The following CDH23 variants were observed in gnomAD, a reference collection of about 807,000 sequenced individuals.
CDH23 encodes cadherin related 23.
A neutral mutation model predicts 317.1 loss-of-function variants in CDH23; 189 were observed. That is an observed-to-expected ratio of 0.60 (90% CI 0.53 to 0.67). The LOEUF (loss-of-function observed/expected upper bound fraction) is 0.67. Ranked by LOEUF, CDH23 falls within the 30% of genes least tolerant of loss-of-function variation. The pLI, the probability that CDH23 is intolerant of heterozygous loss-of-function variation, is 0.00. For missense variants in CDH23, 4,401 were observed against 4,592.4 expected (o/e 0.96, Z 1.20); for synonymous variants, 1,839 against 1,876.8 (o/e 0.98, Z 0.52).
At chr10:71,813,158 G>A (rs1842000165) in intron 68 of CDH23, 86 bp from the exon 69 acceptor site, 3 of 1,302,446 alleles carry the variant, frequency 2.3e-6, no homozygotes, top group Non-Finnish European at 3.2e-6. Flanking sequence ...AGATGTCCGT[G>A]TACCCCTTAC....
chr10:71,579,293 C>G (rs924345750), intron 9 of CDH23, among the ~76,000 whole-genome samples: 1 of 152,068 alleles, frequency 6.6e-6, no homozygotes, highest in African/African-American at 2.4e-5. Context: ...TGTTGCACCT[C>G]TAAGCCCAGG....
intron 69 of CDH23, among the ~76,000 whole-genome samples, chr10:71,814,140 C>T (rs774367839): frequency 9.2e-5 from 14 of 152,238 alleles, no homozygotes; most frequent in Non-Finnish European, 1.5e-4. Flanking sequence ...GTCCTATTGA[C>T]ACTTTCTGCC....
At position 71,791,302 on chromosome 10, in the gene CDH23, C is replaced by T. The variant is rs970644293; in HGVS notation, c.6220C>T (p.Leu2074Phe). Residue 2074 changes from leucine to phenylalanine, a missense_variant, in exon 47 of 70, where the codon CTC becomes TTC. Coordinates refer to ENST00000224721, the MANE Select transcript of CDH23 (RefSeq NM_022124.6). ...CCGGCCCACCTTTAGCCCTGCCACC[C>T]TCACTGTCCATCTGCTAGAGAACTG... The part of the protein sequence containing the change: ...DNRPTFSPAT[L>F]TVHLLENCPP... 1.2e-6 allele frequency: 2 copies of T among 1,613,756 alleles called. No homozygotes were observed. The highest frequency in any genetic ancestry group is 1.3e-5 in the African/African-American group (1 of 74,922).
intron 20 of CDH23, among the ~76,000 whole-genome samples, chr10:71,693,685 T>C (rs1161396982): frequency 6.6e-6 from 1 of 152,176 alleles, no homozygotes; most frequent in East Asian, 1.9e-4. Context: ...AATAGCCCTA[T>C]GAGGTAGTTC....
intron 19 of CDH23, among the ~76,000 whole-genome samples, chr10:71,689,574 C>T (rs1296840331): frequency 6.6e-6 from 1 of 152,196 alleles, no homozygotes; most frequent in Non-Finnish European, 1.5e-5. Context: ...GCCTGCCTGG[C>T]CCCTTGCCCC....
At chr10:71,538,829 G>A (rs1855842100) in intron 6 of CDH23, among the ~76,000 whole-genome samples, 1 of 152,158 alleles carries the variant, frequency 6.6e-6, no homozygotes, top group Admixed American at 6.5e-5. Flanking sequence ...GGCCAGTGTG[G>A]GAGTTCTTAC....
chr10:71,674,892 A>T (rs867611002), intron 14 of CDH23, among the ~76,000 whole-genome samples: 7 of 152,226 alleles, frequency 4.6e-5, no homozygotes, highest in African/African-American at 1.7e-4. Flanking sequence ...GTGTGGAGGA[A>T]CACCTGGTGG....
chr10:71,675,269 G>A, intron 15 of CDH23, 93 bp downstream of exon 15: 1 of 1,071,628 alleles, frequency 9.3e-7, no homozygotes, highest in Non-Finnish European at 1.4e-6. Flanking sequence ...AGTGCCCAGG[G>A]AGGGAGGTGC....
intron 50 of CDH23, 150 bp downstream of exon 50, chr10:71,798,728 A>G: frequency 1.4e-6 from 1 of 695,230 alleles, no homozygotes; most frequent in Admixed American, 2.9e-5. Context: ...CAGATGCCCA[A>G]ACCAGGGGAA....
chr10:71,561,391 C>G (rs987350350), intron 6 of CDH23, among the ~76,000 whole-genome samples: 1 of 152,046 alleles, frequency 6.6e-6, no homozygotes, highest in African/African-American at 2.4e-5. Context: ...GGCCTTTTCT[C>G]CCTTGCTGCA....
intron 3 of CDH23, among the ~76,000 whole-genome samples, chr10:71,462,072 C>T (rs573640114): frequency 6.6e-5 from 10 of 152,316 alleles, no homozygotes; most frequent in African/African-American, 2.4e-4. Context: ...CTGGTCGTTT[C>T]GAGAGTCCCC....
chr10:71,742,060 T>C, intron 38 of CDH23, 139 bp downstream of exon 38: 1 of 758,218 alleles, frequency 1.3e-6, no homozygotes, highest in Non-Finnish European at 2.1e-6. Context: ...CATCTGCCTT[T>C]AGTCCATCTG....
chr10:71,619,331 A>G (rs929571453), intron 11 of CDH23, among the ~76,000 whole-genome samples: 1 of 152,082 alleles, frequency 6.6e-6, no homozygotes, highest in African/African-American at 2.4e-5. Flanking sequence ...TCTCAAAAAA[A>G]AAAAAACCCC....
chr10:71,725,360 C>A lies in CDH23; in HGVS notation c.3431-12C>A. 4 of 1,613,960 alleles carry A rather than the reference C, an allele frequency of 2.5e-6. No homozygotes were observed. Among genetic ancestry groups the A allele is most frequent in the Non-Finnish European group, 3.4e-6 (4 of 1,179,860 alleles). Reference sequence around the variant, plus strand: ...AGGGCCGGTGTTCCAGGGGGTCTGTCCCTCCACACAGGTAACCATGGCAAC... The same window carrying A: ...AGGGCCGGTGTTCCAGGGGGTCTGTACCTCCACACAGGTAACCATGGCAAC... On this transcript the variant is annotated splice_polypyrimidine_tract_variant and intron_variant, in intron 29 of 69. Transcript: ENST00000224721.
chr10:71,675,179 G>A lies in CDH23; in HGVS notation c.1514+3G>A, dbSNP rs1015152932. 3.1e-6 allele frequency: 5 copies of A among 1,613,488 alleles called. No individual in the cohort carries two copies. Among genetic ancestry groups the A allele is most frequent in the Non-Finnish European group, 4.2e-6 (5 of 1,179,430 alleles). ...TTCTTCAGTGATGACCCTGACAGGT[G>A]AGACTCTGCCCACAGCCCCTCAGGC... On this transcript the variant is annotated splice_donor_region_variant and intron_variant, in intron 15 of 69. Coordinates refer to ENST00000224721, the MANE Select transcript of CDH23 (RefSeq NM_022124.6).
Position 71,812,785 on chromosome 10 carries a change from G to A in CDH23, c.9528G>A (p.Glu3176=). Reference sequence around the variant, plus strand: ...CTCCCCAGGGAACTTTTGGGCGTGAGCCAGCAGCTGTCAAGCCTGATGATG... The same window carrying A: ...CTCCCCAGGGAACTTTTGGGCGTGAACCAGCAGCTGTCAAGCCTGATGATG... ...PTRTHGTFGR[E]PAAVKPDDDR... Residue 3176 remains glutamate (E), a synonymous_variant, in exon 68 of 70, where the codon GAG becomes GAA. Coordinates refer to ENST00000224721, the MANE Select transcript of CDH23 (RefSeq NM_022124.6). The A allele has an allele frequency of 2.5e-6, 4 of 1,613,260 alleles. No homozygotes were observed. Among genetic ancestry groups the A allele is most frequent in the Non-Finnish European group, 3.4e-6 (4 of 1,179,582 alleles).
At chr10:71,523,403 G>A (rs1224008595) in intron 6 of CDH23, among the ~76,000 whole-genome samples, 18 of 152,262 alleles carry the variant, frequency 1.2e-4, no homozygotes, top group East Asian at 3.9e-4. Context: ...CCTCAAACTC[G>A]GGGACTACCA....
rs1048322511 is a variant in CDH23 at position 71,779,146 on chromosome 10, A to G, written c.5188-121A>G. ...GCCCCACCCATATCCGACTTCCCAT[A>G]TGATTCCTGCATGGGCCTCATGAGG... On this transcript the variant is annotated intron_variant, in intron 40 of 69. Coordinates refer to ENST00000224721, the MANE Select transcript of CDH23 (RefSeq NM_022124.6). 6.7e-5 allele frequency: 60 copies of G among 901,286 alleles called. No individual in the cohort carries two copies. The African/African-American group carries it at 9.0e-4, about 14-fold the overall frequency. The allele number at this position is 901,286 out of a possible 1,614,324, so 55.8% of individuals were successfully genotyped here.
intron 1 of CDH23, among the ~76,000 whole-genome samples, chr10:71,399,067 T>C (rs76238969): frequency 0.11 from 16,904 of 152,248 alleles, 1,402 homozygotes; most frequent in African/African-American, 0.24. Flanking sequence ...GCTCCCCCAC[T>C]CAACAAGCTA....
Sources: gnomAD v4.1 joint callset for allele counts (sites outside exome capture counted in the v4.1 genomes callset) on GRCh38, gnomAD v4.1.1 for gene constraint, MANE v1.5 for transcripts, NCBI Gene and HGNC (gene_info 2026-07-23, HGNC 2026-07-21) for gene names.